The following ZFR2 variants were observed in gnomAD, a reference collection of about 807,000 sequenced individuals.
The protein encoded by ZFR2 is zinc finger RNA binding protein 2, also known as zinc finger RNA-binding protein 2.
A neutral mutation model predicts 105.7 loss-of-function variants in ZFR2; 104 were observed. The observed-to-expected ratio is 0.98, with a 90% CI of 0.84 to 1.16. The LOEUF (loss-of-function observed/expected upper bound fraction) is 1.16. Ranked by LOEUF, ZFR2 falls within the 50% of genes most tolerant of loss-of-function variation. ZFR2 has a pLI of 0.00. For synonymous variants in ZFR2, 634 were observed against 597.7 expected (o/e 1.06, Z -0.89); for missense variants, 1,425 against 1,355.5 (o/e 1.05, Z -0.80).
intron 1 of ZFR2, chr19:3,855,421 G>A: frequency 8.1e-7 from 1 of 1,231,718 alleles, no homozygotes; most frequent in Non-Finnish European, 1.0e-6. Context: ...AGTGAAAGCA[G>A]TCCCGGGCGA....
chr19:3,817,281 G>A (rs1399594625), intron 12 of ZFR2, among the ~76,000 whole-genome samples: 8 of 152,000 alleles, frequency 5.3e-5, no homozygotes, highest in South Asian at 2.1e-4. Flanking sequence ...AACCTAGGCC[G>A]GGCGCAGTGG....
intron 1 of ZFR2, among the ~76,000 whole-genome samples, chr19:3,855,048 C>G (rs1443570474): frequency 4.6e-5 from 7 of 152,022 alleles, no homozygotes; most frequent in African/African-American, 1.7e-4. Context: ...ATGTGAGCCA[C>G]TGTGCCCAGC....
In ZFR2 at chr19:3,868,701, GC is replaced by G. The variant is rs577383670; in HGVS notation, c.53+263del. Among the ~76,000 whole-genome samples the G allele has an allele frequency of 1.8e-4, 28 of 151,690 alleles. No individual in the cohort carries two copies. The South Asian group carries it at 4.2e-3, about 23-fold the overall frequency. On this transcript the variant is annotated intron_variant, in intron 1 of 18. Transcript: ENST00000262961. ...ACCCAGGCCCCCTCCCACTTCAGGA[GC>G]CCCCTCCCGCTCCCGCCGACAGACA...
At chr19:3,832,680 C>T (rs1188116091) in intron 3 of ZFR2, among the ~76,000 whole-genome samples, 1 of 151,454 alleles carries the variant, frequency 6.6e-6, no homozygotes, top group Non-Finnish European at 1.5e-5. Context: ...CTCTGCTGCC[C>T]AGGCTGGAGT....
At chr19:3,822,279 C>G (rs1040801794) in intron 8 of ZFR2, 79 bp from the exon 9 acceptor site, 2 of 1,527,834 alleles carry the variant, frequency 1.3e-6, no homozygotes, top group African/African-American at 2.8e-5. Flanking sequence ...CAGGTCGCGG[C>G]GGAGCCTTCC....
chr19:3,810,340 TG>T (rs1298617899), intron 16 of ZFR2, among the ~76,000 whole-genome samples: 1 of 152,108 alleles, frequency 6.6e-6, no homozygotes, highest in Admixed American at 6.5e-5. Flanking sequence ...CAGGATGGGC[TG>T]GGGGGTGGTG....
In ZFR2 at chr19:3,823,779, T is replaced by C. The variant is rs371075688; in HGVS notation, c.1214-376A>G. On this transcript the variant is annotated intron_variant, in intron 7 of 18. Transcript: ENST00000262961. The surrounding 1 kb of genome is among the most constrained non-coding windows in gnomAD (Gnocchi z 5.4). ...ATGGAGCCTCGGGGGGAGACAAATA[T>C]CTTTGTTATAAGAATGACTTGATGG... 9.9e-5 allele frequency among the ~76,000 whole-genome samples: 15 copies of C among 152,172 alleles called. No homozygotes were observed. In the East Asian group the frequency reaches 2.1e-3, roughly 22 times the overall value.
At chr19:3,816,880 C>A (rs1054452468) in intron 12 of ZFR2, 35 bp from the exon 13 acceptor site, 4 of 1,518,486 alleles carry the variant, frequency 2.6e-6, no homozygotes, top group Non-Finnish European at 2.7e-6. Context: ...GCGCCATCAG[C>A]GGAGAGACGC....
chr19:3,810,794 C>T lies in ZFR2; in HGVS notation c.2389G>A (p.Asp797Asn). 1.3e-6 allele frequency: 2 copies of T among 1,550,348 alleles called. No individual in the cohort carries two copies. Among genetic ancestry groups the T allele is most frequent in the South Asian group, 1.2e-5 (1 of 84,036 alleles). The change falls in exon 16 of 19, where the codon GAC becomes AAC. Residue 797 changes from aspartate to asparagine, a missense_variant. Physicochemically the swap from Asp to Asn is conservative, Grantham distance 23. Transcript: ENST00000262961. The part of the protein sequence containing the change: ...PCVIVIRVLR[D>N]LCRRVPTWGA... ...CAGGTGGGCACACGCCGGCAGAGGTCCCTCAGGACCCTGATGACGATCACG... is the reference window on the plus strand; with the variant it reads ...CAGGTGGGCACACGCCGGCAGAGGTTCCTCAGGACCCTGATGACGATCACG...
chr19:3,807,142 G>T, intron 18 of ZFR2, 30 bp downstream of exon 18: 1 of 1,515,794 alleles, frequency 6.6e-7, no homozygotes, highest in Non-Finnish European at 9.0e-7. Flanking sequence ...GGGCCTGGGT[G>T]TCACCCTTGC....
At chr19:3,864,142 T>C (rs973386407) in intron 1 of ZFR2, among the ~76,000 whole-genome samples, 4 of 152,024 alleles carry the variant, frequency 2.6e-5, no homozygotes, top group Non-Finnish European at 5.9e-5. Flanking sequence ...CCCAGCACTT[T>C]AGGAGGGAAA....
At position 3,828,757 on chromosome 19, in the gene ZFR2, G is replaced by A. The variant is rs377661049; in HGVS notation, c.853-1104C>T. Reference sequence around the variant, plus strand: ...GGCAGGAGGGCCACGAAACCAACACGCCCTGACAATGCCAAGAATAAACAT... The same window carrying A: ...GGCAGGAGGGCCACGAAACCAACACACCCTGACAATGCCAAGAATAAACAT... On this transcript the variant is annotated intron_variant, in intron 5 of 18. Transcript: ENST00000262961. 2.9e-3 allele frequency among the ~76,000 whole-genome samples: 443 copies of A among 152,218 alleles called. 3 individuals are homozygous for A. The highest frequency in any genetic ancestry group is 0.01 in the African/African-American group (426 of 41,528).
Position 3,831,654 on chromosome 19 carries a change from T to C in ZFR2, c.598+6A>G, listed in dbSNP as rs1239572331. 2 of 1,537,326 alleles carry C rather than the reference T, an allele frequency of 1.3e-6. No homozygotes were observed. Among genetic ancestry groups the C allele is most frequent in the Admixed American group, 3.9e-5 (2 of 51,134 alleles). On this transcript the variant is annotated splice_donor_region_variant and intron_variant, in intron 4 of 18. Transcript: ENST00000262961. ...AGACCACCTGGGCAAGGAACGCTGGTCTTACCCGTGTAGGCGGTGCAGGTG... is the reference window on the plus strand; with the variant it reads ...AGACCACCTGGGCAAGGAACGCTGGCCTTACCCGTGTAGGCGGTGCAGGTG...
At chr19:3,807,792 C>A (rs1212002069) in intron 17 of ZFR2, among the ~76,000 whole-genome samples, 1 of 146,490 alleles carries the variant, frequency 6.8e-6, no homozygotes, top group Non-Finnish European at 1.5e-5. Flanking sequence ...GCATGTGCGC[C>A]TGTGTGTGCA....
chr19:3,831,367 GC>G lies in ZFR2; in HGVS notation c.787del (p.Ala263ArgfsTer164). On this transcript the variant is annotated frameshift_variant, in exon 5 of 19. Coordinates refer to ENST00000262961, the MANE Select transcript of ZFR2 (RefSeq NM_015174.2). LOFTEE classifies it high-confidence loss of function. Reference protein sequence around the residue: ...PLPSKLPRPKAGPRQLQLHYC... With the variant: ...PLPSKLPRPKXGPRQLQLHYC... ...GTGAAGCTGGAGCTGCCTGGGCCCC[GC>G]CTTGGGTCTCGGCAGCTTGCTGGGA... is the stretch of plus-strand genomic sequence containing the variant. 1 of 1,557,336 alleles carries G rather than the reference GC, an allele frequency of 6.4e-7. No homozygotes were observed. The highest frequency in any genetic ancestry group is 1.9e-5 in the Admixed American group (1 of 52,136).
In ZFR2 at chr19:3,831,335, C is replaced by G; in HGVS notation, c.820G>C (p.Asp274His). 3.2e-6 allele frequency: 5 copies of G among 1,556,836 alleles called. No homozygotes were observed. The highest frequency in any genetic ancestry group is 8.7e-7 in the Non-Finnish European group (1 of 1,152,678). ...GPRQLQLHYC[D>H]ICKISCAGPQ... Reference sequence around the variant, plus strand: ...CCAGCGCAGCTGATCTTGCAGATGTCGCAGTAGTGAAGCTGGAGCTGCCTG... The same window carrying G: ...CCAGCGCAGCTGATCTTGCAGATGTGGCAGTAGTGAAGCTGGAGCTGCCTG... Residue 274 changes from aspartate to histidine, a missense_variant, in exon 5 of 19, where the codon GAC (aspartate) becomes CAC (histidine). By Grantham distance (81) the Asp-to-His change is moderately conservative. Transcript: ENST00000262961.
chr19:3,807,948 T>C (rs1286505594), intron 17 of ZFR2, among the ~76,000 whole-genome samples: 1 of 148,196 alleles, frequency 6.7e-6, no homozygotes, highest in East Asian at 2.0e-4. Flanking sequence ...TGTGTGTGCA[T>C]GCACTCATGT....
At chr19:3,851,169 G>A (rs558673505) in intron 1 of ZFR2, among the ~76,000 whole-genome samples, 55 of 152,280 alleles carry the variant, frequency 3.6e-4, no homozygotes, top group Admixed American at 8.5e-4. Flanking sequence ...AGCAGTTAGA[G>A]GGAAGGCCCA....
chr19:3,805,787 G>GT lies in ZFR2; in HGVS notation c.*161dup. 1.2e-6 allele frequency: 1 copy of GT among 844,486 alleles called. No individual in the cohort carries two copies. The highest frequency in any genetic ancestry group is 1.7e-6 in the Non-Finnish European group (1 of 590,870). The allele number at this position is 844,486 out of a possible 1,614,324, so 52.3% of individuals were successfully genotyped here. A position where few individuals can be genotyped will look rare whatever the true frequency, so the allele number is the denominator to read the frequency against. On this transcript the variant is annotated 3_prime_UTR_variant, in exon 19 of 19. Transcript: ENST00000262961. ...GCTGGGATTAAAGGCATGAGCCACAGTGCCCGGTCTGAAGCACAGGTGTTT... is the reference window on the plus strand; with the variant it reads ...GCTGGGATTAAAGGCATGAGCCACAGTTGCCCGGTCTGAAGCACAGGTGTTT...
Sources: allele counts gnomAD v4.1 joint callset (sites outside exome capture counted in the v4.1 genomes callset), GRCh38; gene constraint gnomAD v4.1.1; non-coding constraint Gnocchi (gnomAD v3.1); transcripts MANE v1.5; gene names NCBI Gene and HGNC (gene_info 2026-07-23, HGNC 2026-07-21).